DPP10: variants seen among roughly 807,000 people sequenced by gnomAD.
The protein encoded by DPP10 is inactive dipeptidyl peptidase 10.
A neutral mutation model predicts 120.9 loss-of-function variants in DPP10; 33 were observed. That is an observed-to-expected ratio of 0.27 (90% CI 0.21 to 0.37). The LOEUF is 0.37. Among genes scored for constraint, DPP10 ranks in the 10% least tolerant of loss-of-function variants. The pLI, the probability that DPP10 is intolerant of heterozygous loss-of-function variation, is 1.00. For missense variants in DPP10, 816 were observed against 942.8 expected (o/e 0.87, Z 1.76); for synonymous variants, 337 against 326.1 (o/e 1.03, Z -0.36).
intron 3 of DPP10, among the ~76,000 whole-genome samples, chr2:115,416,140 A>T (rs1017323992): frequency 1.3e-5 from 2 of 152,046 alleles, no homozygotes; most frequent in East Asian, 3.9e-4. Context: ...TGCAATTAAG[A>T]TGCACTGCAG....
intron 1 of DPP10, among the ~76,000 whole-genome samples, chr2:114,653,758 G>A (rs1696781317): frequency 6.6e-6 from 1 of 152,124 alleles, no homozygotes; most frequent in African/African-American, 2.4e-5. Context: ...CTGGCGGAGA[G>A]CTATCTATTT....
chr2:114,958,227 C>T (rs1486153932), intron 1 of DPP10, among the ~76,000 whole-genome samples: 1 of 152,174 alleles, frequency 6.6e-6, no homozygotes, highest in African/African-American at 2.4e-5. Context: ...AGTTTGAACA[C>T]TCAGCAGTGT....
intron 1 of DPP10, among the ~76,000 whole-genome samples, chr2:115,081,247 G>C (rs1027597979): frequency 2.0e-5 from 3 of 152,106 alleles, no homozygotes; most frequent in African/African-American, 7.2e-5. Flanking sequence ...CTGGGACTCG[G>C]ATTACATTTC....
At chr2:114,912,136 T>TCACA (rs145032229) in intron 1 of DPP10, among the ~76,000 whole-genome samples, 59 of 150,054 alleles carry the variant, frequency 3.9e-4, no homozygotes, top group African/African-American at 1.4e-3. Flanking sequence ...ACATTTGCAC[T>TCACA]CACACACACA....
At chr2:114,960,902 T>G (rs951115740) in intron 1 of DPP10, among the ~76,000 whole-genome samples, 1 of 152,128 alleles carries the variant, frequency 6.6e-6, no homozygotes, top group African/African-American at 2.4e-5. Flanking sequence ...AATATAACAA[T>G]GGTTGATATT....
chr2:114,489,704 G>T (rs2104720970), intron 1 of DPP10, among the ~76,000 whole-genome samples: 1 of 152,280 alleles, frequency 6.6e-6, no homozygotes, highest in South Asian at 2.1e-4. Flanking sequence ...TATGAAGTTG[G>T]TAGGACTAGC....
chr2:114,480,700 A>C (rs1299342285), intron 1 of DPP10, among the ~76,000 whole-genome samples: 3 of 102,932 alleles, frequency 2.9e-5, no homozygotes, highest in East Asian at 3.4e-4. Context: ...CACACCGGGG[A>C]CTGTTGTGGG....
intron 5 of DPP10, among the ~76,000 whole-genome samples, chr2:115,687,862 T>G (rs927838197): frequency 1.3e-5 from 2 of 152,018 alleles, no homozygotes; most frequent in African/African-American, 2.4e-5. Flanking sequence ...CCCAGCAACT[T>G]TTTCTCTTTA....
chr2:115,694,305 G>T (rs560562491), intron 7 of DPP10, among the ~76,000 whole-genome samples: 1 of 152,158 alleles, frequency 6.6e-6, no homozygotes, highest in African/African-American at 2.4e-5. Flanking sequence ...GGCTTGTAGT[G>T]TTTACTAACT....
intron 1 of DPP10, among the ~76,000 whole-genome samples, chr2:114,615,056 A>C (rs954632634): frequency 4.6e-5 from 7 of 152,196 alleles, no homozygotes; most frequent in African/African-American, 1.7e-4. Flanking sequence ...TAGTGAGTCC[A>C]TGGAATGTAG....
At chr2:114,643,968 G>A (rs1178984971) in intron 1 of DPP10, among the ~76,000 whole-genome samples, 9 of 139,058 alleles carry the variant, frequency 6.5e-5, no homozygotes, top group Admixed American at 3.7e-4. Flanking sequence ...AGAGTCTTGC[G>A]TTGTCATCCA....
intron 1 of DPP10, among the ~76,000 whole-genome samples, chr2:114,953,045 T>C (rs1574559680): frequency 6.6e-6 from 1 of 151,932 alleles, no homozygotes; most frequent in East Asian, 1.9e-4. Context: ...TGTAAATCAT[T>C]AGGAGAGAAT....
At chr2:114,984,567 G>A (rs7575258) in intron 1 of DPP10, among the ~76,000 whole-genome samples, 38,838 of 152,040 alleles carry the variant, frequency 0.26, 5,048 homozygotes, top group East Asian at 0.35. Flanking sequence ...TGACACAGAA[G>A]GATGGCTTTA....
At chr2:115,812,051 T>C (rs1686702965) in intron 19 of DPP10, among the ~76,000 whole-genome samples, 1 of 152,210 alleles carries the variant, frequency 6.6e-6, no homozygotes, top group African/African-American at 2.4e-5. Flanking sequence ...CTTATGCCAT[T>C]AATGCTTACA....
intron 1 of DPP10, among the ~76,000 whole-genome samples, chr2:114,727,888 T>C (rs143271177): frequency 6.6e-6 from 1 of 152,312 alleles, no homozygotes; most frequent in Non-Finnish European, 1.5e-5. Context: ...ATCACTGCGG[T>C]CAGCACATCA....
chr2:114,781,599 C>A (rs1682332282), intron 1 of DPP10, among the ~76,000 whole-genome samples: 1 of 152,064 alleles, frequency 6.6e-6, no homozygotes, highest in Non-Finnish European at 1.5e-5. Context: ...ACTAGCAGAG[C>A]TTATGCTATG....
At chr2:115,399,705 TAAAG>T (rs2067926366) in intron 3 of DPP10, among the ~76,000 whole-genome samples, 1 of 152,184 alleles carries the variant, frequency 6.6e-6, no homozygotes, top group South Asian at 2.1e-4. Flanking sequence ...AAATGTAACT[TAAAG>T]AGAGGAAGGA....
At chr2:115,292,451 A>G (rs1447243705) in intron 1 of DPP10, among the ~76,000 whole-genome samples, 1 of 152,142 alleles carries the variant, frequency 6.6e-6, no homozygotes, top group African/African-American at 2.4e-5. Context: ...AACATGCCAC[A>G]TAACCTTTTC....
intron 1 of DPP10, among the ~76,000 whole-genome samples, chr2:115,113,059 C>T (rs1453565841): frequency 6.6e-6 from 1 of 151,832 alleles, no homozygotes; most frequent in African/African-American, 2.4e-5. Flanking sequence ...GTCTGGTTCC[C>T]AAAGTGACTA....
Sources: gnomAD v4.1 joint callset for allele counts (sites outside exome capture counted in the v4.1 genomes callset) on GRCh38, gnomAD v4.1.1 for gene constraint, MANE v1.5 for transcripts, NCBI Gene and HGNC (gene_info 2026-07-23, HGNC 2026-07-21) for gene names.